Variants in TTC28 observed in about 807,000 individuals in gnomAD.
TTC28 encodes the protein tetratricopeptide repeat protein 28.
Under a neutral mutation model 198.0 loss-of-function variants are expected in TTC28, and 61 were observed. The ratio of observed to expected loss-of-function variants is 0.31; its 90% CI spans 0.25 to 0.38. The LOEUF is 0.38. TTC28 is among the 10% of genes least tolerant of loss of function. The probability of loss-of-function intolerance (pLI) is 1.00; values close to 1 mark genes in which losing one functional copy is unlikely to be tolerated. For synonymous variants in TTC28, 1,171 were observed against 1,297.8 expected (o/e 0.90, Z 2.10); for missense variants, 2,678 against 3,164.0 (o/e 0.85, Z 3.69).
chr22:28,163,448 G>T lies in TTC28; in HGVS notation c.1085C>A (p.Ala362Asp). Residue 362 changes from alanine (A) to aspartate (D), a missense_variant, in exon 6 of 23, where the codon GCT (alanine) becomes GAT (aspartate). This residue lies in a region of TTC28 where 775 missense variants were observed against 845.9 expected (regional missense o/e 0.92). Coordinates refer to ENST00000397906, the MANE Select transcript of TTC28 (RefSeq NM_001145418.2). Reference sequence around the variant, plus strand: ...AAAGTCACCCATGGCAATATACACAGCTCCCATGTTGCCAAGTTCTCGGGC... The same window carrying T: ...AAAGTCACCCATGGCAATATACACATCTCCCATGTTGCCAAGTTCTCGGGC... The part of the protein sequence containing the change: ...SEARELGNMG[A>D]VYIAMGDFEN... The T allele has an allele frequency of 6.4e-7, 1 of 1,551,710 alleles. No homozygotes were observed. Among genetic ancestry groups the T allele is most frequent in the Non-Finnish European group, 8.7e-7 (1 of 1,146,998 alleles).
At chr22:28,231,717 A>G (rs1351186918) in intron 5 of TTC28, among the ~76,000 whole-genome samples, 3 of 152,240 alleles carry the variant, frequency 2.0e-5, no homozygotes, top group Non-Finnish European at 4.4e-5. Context: ...CATGAAAATA[A>G]ATGTCCTGGA....
At chr22:28,167,189 C>G (rs1922086204) in intron 5 of TTC28, among the ~76,000 whole-genome samples, 1 of 152,164 alleles carries the variant, frequency 6.6e-6, no homozygotes, top group African/African-American at 2.4e-5. Flanking sequence ...AATAGCTTAC[C>G]AGCCAAGAAA....
At chr22:28,569,644 C>T (rs1419295610) in intron 2 of TTC28, among the ~76,000 whole-genome samples, 1 of 152,038 alleles carries the variant, frequency 6.6e-6, no homozygotes, top group East Asian at 1.9e-4. Context: ...TGGACATCAG[C>T]CCTAGCAAAG....
intron 2 of TTC28, among the ~76,000 whole-genome samples, chr22:28,598,530 A>G (rs2146111779): frequency 6.6e-6 from 1 of 151,640 alleles, no homozygotes; most frequent in East Asian, 1.9e-4. Context: ...AAAAAAAAAA[A>G]AAAAGTGATA....
At chr22:28,226,900 T>C (rs1305669926) in intron 5 of TTC28, among the ~76,000 whole-genome samples, 1 of 152,076 alleles carries the variant, frequency 6.6e-6, no homozygotes, top group Non-Finnish European at 1.5e-5. Flanking sequence ...TTCTCCATTC[T>C]ATAGGACTAT....
chr22:28,466,243 C>A (rs184254764), intron 2 of TTC28, among the ~76,000 whole-genome samples: 4 of 152,184 alleles, frequency 2.6e-5, no homozygotes, highest in African/African-American at 7.2e-5. Context: ...CCCAATACTT[C>A]GCATGAAGAG....
At chr22:28,525,448 T>C (rs186200549) in intron 2 of TTC28, among the ~76,000 whole-genome samples, 4 of 152,284 alleles carry the variant, frequency 2.6e-5, no homozygotes, top group Admixed American at 6.5e-5. Flanking sequence ...AGCCACCTCA[T>C]CCAGCCTCCT....
chr22:28,115,064 G>T (rs1323574382), intron 6 of TTC28, among the ~76,000 whole-genome samples: 1 of 152,090 alleles, frequency 6.6e-6, no homozygotes, highest in Non-Finnish European at 1.5e-5. Context: ...GCCCCAAAAG[G>T]TTCAAGAGCT....
In TTC28 at chr22:28,127,910, T is replaced by G. The variant is rs939064382; in HGVS notation, c.1442-19507A>C. ...GCCTGGCTAATTTTTTTTTTTTTTTTTGGGGGTGGGATTTCATTATATTGC... is the reference window on the plus strand; with the variant it reads ...GCCTGGCTAATTTTTTTTTTTTTTTGTGGGGGTGGGATTTCATTATATTGC... On this transcript the variant is annotated intron_variant, in intron 6 of 22. Coordinates refer to ENST00000397906, the MANE Select transcript of TTC28 (RefSeq NM_001145418.2). Among the ~76,000 whole-genome samples the G allele has an allele frequency of 6.7e-5, 10 of 150,252 alleles. No individual in the cohort carries two copies. The South Asian group carries it at 8.5e-4, about 13-fold the overall frequency.
chr22:28,610,125 C>G (rs2050796229), intron 2 of TTC28, among the ~76,000 whole-genome samples: 1 of 152,194 alleles, frequency 6.6e-6, no homozygotes, highest in Admixed American at 6.5e-5. Flanking sequence ...CTTCCTGGGA[C>G]AAAGCATGTG....
At chr22:28,370,209 T>C (rs573293744) in intron 2 of TTC28, among the ~76,000 whole-genome samples, 3 of 152,332 alleles carry the variant, frequency 2.0e-5, no homozygotes, top group Non-Finnish European at 4.4e-5. Context: ...GCTTCATTCC[T>C]CTGAAGCTAC....
intron 6 of TTC28, among the ~76,000 whole-genome samples, chr22:28,155,262 T>C (rs1943725942): frequency 6.6e-6 from 1 of 152,230 alleles, no homozygotes; most frequent in Admixed American, 6.5e-5. Context: ...TCTATTTCTT[T>C]CCAAAGGCAT....
At chr22:28,633,622 T>G (rs1482732428) in intron 1 of TTC28, among the ~76,000 whole-genome samples, 1 of 152,178 alleles carries the variant, frequency 6.6e-6, no homozygotes, top group Admixed American at 6.5e-5. Context: ...AGCAAGACCC[T>G]GTCTCAGAAA....
intron 3 of TTC28, among the ~76,000 whole-genome samples, chr22:28,301,954 C>T (rs1336201050): frequency 6.6e-6 from 1 of 151,914 alleles, no homozygotes; most frequent in Non-Finnish European, 1.5e-5. Flanking sequence ...GAAGGATCAC[C>T]TGAGCCCGGG....
At chr22:28,091,862 G>A (rs1449510798) in intron 12 of TTC28, among the ~76,000 whole-genome samples, 1 of 152,128 alleles carries the variant, frequency 6.6e-6, no homozygotes, top group Non-Finnish European at 1.5e-5. Context: ...TGAAAATGTC[G>A]GGTATAATGA....
At chr22:28,042,293 C>A (rs373008271) in intron 12 of TTC28, among the ~76,000 whole-genome samples, 23 of 146,762 alleles carry the variant, frequency 1.6e-4, no homozygotes, top group East Asian at 1.5e-3. Flanking sequence ...ATTTTTATTG[C>A]AGCACTATTC....
chr22:28,070,699 G>T (rs1940933264), intron 12 of TTC28, among the ~76,000 whole-genome samples: 1 of 152,122 alleles, frequency 6.6e-6, no homozygotes, highest in South Asian at 2.1e-4. Flanking sequence ...ATTTAAAGTG[G>T]ATAATATCTA....
At position 27,993,456 on chromosome 22, in the gene TTC28, C is replaced by A; in HGVS notation, c.5307G>T (p.Gln1769His). Residue 1769 changes from glutamine (Q) to histidine (H), a missense_variant, in exon 18 of 23, where the codon CAG becomes CAT. Gln to His is a conservative substitution (Grantham distance 24). This residue lies in a region of TTC28 where 314 missense variants were observed against 442.7 expected (regional missense o/e 0.71). Coordinates refer to ENST00000397906, the MANE Select transcript of TTC28 (RefSeq NM_001145418.2). Reference protein sequence around the residue: ...GQRNAMYTSQQSVENKVGGIP... With the variant: ...GQRNAMYTSQHSVENKVGGIP... ...TGCCGCCCACTTTGTTCTCCACACT[C>A]TGCTGGGATGTGTACATGGCATTGC... 6.4e-7 allele frequency: 1 copy of A among 1,551,680 alleles called. No homozygotes were observed. Among genetic ancestry groups the A allele is most frequent in the Non-Finnish European group, 8.7e-7 (1 of 1,147,006 alleles).
chr22:28,613,625 G>A (rs2050855596), intron 2 of TTC28, among the ~76,000 whole-genome samples: 1 of 152,120 alleles, frequency 6.6e-6, no homozygotes, highest in African/African-American at 2.4e-5. Flanking sequence ...TTCATCCCTG[G>A]GATGCAAGGC....
Sources: allele counts gnomAD v4.1 joint callset (sites outside exome capture counted in the v4.1 genomes callset), GRCh38; gene constraint gnomAD v4.1.1; regional missense constraint gnomAD v4.1.1; transcripts MANE v1.5; gene names NCBI Gene and HGNC (gene_info 2026-07-23, HGNC 2026-07-21).